DTNB: variants seen among roughly 807,000 people sequenced by gnomAD.
DTNB encodes dystrobrevin beta.
Under a neutral mutation model 90.7 loss-of-function variants are expected in DTNB, and 63 were observed. The observed-to-expected ratio is 0.69, with a 90% confidence interval of 0.57 to 0.86. The LOEUF (loss-of-function observed/expected upper bound fraction) is 0.86, where lower values mean the gene tolerates loss of function less well. Among genes scored for constraint, DTNB ranks in the 40% least tolerant of loss-of-function variants. The pLI, the probability that DTNB is intolerant of heterozygous loss-of-function variation, is 0.00. For missense variants in DTNB, 744 were observed against 807.1 expected (o/e 0.92, Z 0.95); for synonymous variants, 277 against 286.7 (o/e 0.97, Z 0.34).
At chr2:25,523,956 C>G (rs2076626694) in intron 9 of DTNB, among the ~76,000 whole-genome samples, 1 of 146,450 alleles carries the variant, frequency 6.8e-6, no homozygotes. Flanking sequence ...AGCTGGAGTG[C>G]AATGGCGTGA....
intron 1 of DTNB, among the ~76,000 whole-genome samples, chr2:25,667,033 C>T (rs2084613706): frequency 1.3e-5 from 2 of 151,974 alleles, no homozygotes; most frequent in South Asian, 4.1e-4. Context: ...GGGCAGGACC[C>T]TTGACCCACA....
chr2:25,628,034 C>A (rs1573652591), intron 4 of DTNB, 137 bp downstream of exon 4: 3 of 937,952 alleles, frequency 3.2e-6, no homozygotes, highest in East Asian at 2.7e-5. Flanking sequence ...CCGTGCCCAG[C>A]CAATAATTTC....
At chr2:25,662,651 T>TACACACACAC (rs371062484) in intron 1 of DTNB, among the ~76,000 whole-genome samples, 19 of 129,330 alleles carry the variant, frequency 1.5e-4, no homozygotes, top group South Asian at 2.8e-4. Flanking sequence ...AATATACAAA[T>TACACACACAC]ACACACACAC....
chr2:25,599,846 G>A (rs1470825896), intron 5 of DTNB, among the ~76,000 whole-genome samples: 4 of 152,156 alleles, frequency 2.6e-5, no homozygotes, highest in Non-Finnish European at 5.9e-5. Flanking sequence ...TGTAATCCCA[G>A]AACTTTGGGA....
rs146697158 is a variant in DTNB at position 25,422,395 on chromosome 2, C to CTTTTTTTTTTT, written c.1555-2871_1555-2861dup. Among the ~76,000 whole-genome samples, 66 of 82,944 alleles carry CTTTTTTTTTTT rather than the reference C, an allele frequency of 8.0e-4. 1 individual carries two copies. Among genetic ancestry groups the CTTTTTTTTTTT allele is most frequent in the East Asian group, 1.4e-3 (4 of 2,836 alleles). The allele number at this position is 82,944 out of a possible 152,430, so 54.4% of individuals were successfully genotyped here. A position where few individuals can be genotyped will look rare whatever the true frequency, so the allele number is the denominator to read the frequency against. ...ATGTAAATGAGTTTCCTTTTCTCTT[C>CTTTTTTTTTTT]TTTTTTTTTTTTTTTTTTTTTTTTT... On this transcript the variant is annotated intron_variant, in intron 15 of 20. Transcript: ENST00000406818.
chr2:25,600,924 A>G (rs2065743773), intron 5 of DTNB, among the ~76,000 whole-genome samples: 1 of 152,256 alleles, frequency 6.6e-6, no homozygotes, highest in Non-Finnish European at 1.5e-5. Context: ...CTATATTACA[A>G]TAAGAGAAGT....
At chr2:25,590,915 C>T (rs926137591) in intron 6 of DTNB, among the ~76,000 whole-genome samples, 14 of 152,238 alleles carry the variant, frequency 9.2e-5, no homozygotes, top group Admixed American at 2.6e-4. Flanking sequence ...CCCAGGTGTT[C>T]GTGCCAAGGG....
intron 12 of DTNB, among the ~76,000 whole-genome samples, chr2:25,441,774 A>C (rs1017234674): frequency 1.3e-5 from 2 of 149,990 alleles, no homozygotes; most frequent in Admixed American, 1.3e-4. Context: ...GGTTGTTTTC[A>C]ATCAGGGAAA....
intron 4 of DTNB, among the ~76,000 whole-genome samples, chr2:25,627,272 C>T (rs1222762150): frequency 2.6e-5 from 4 of 151,964 alleles, no homozygotes; most frequent in East Asian, 1.9e-4. Context: ...ATTAGCTGGG[C>T]GTGGTGGCGC....
At chr2:25,383,001 G>A (rs545387699) in intron 19 of DTNB, among the ~76,000 whole-genome samples, 23 of 152,212 alleles carry the variant, frequency 1.5e-4, no homozygotes, top group Non-Finnish European at 2.6e-4. Context: ...AAGCAGGTTC[G>A]ATATATAATG....
intron 8 of DTNB, among the ~76,000 whole-genome samples, chr2:25,557,538 C>T (rs1437371446): frequency 1.3e-5 from 2 of 152,174 alleles, no homozygotes; most frequent in African/African-American, 4.8e-5. Flanking sequence ...TGCTCTAAAA[C>T]AGTGTTTTCC....
chr2:25,433,796 A>C, intron 13 of DTNB, 114 bp downstream of exon 13: 1 of 1,197,748 alleles, frequency 8.3e-7, no homozygotes, highest in Non-Finnish European at 1.2e-6. Context: ...AGGTTCACTG[A>C]GGCAAGGTCT....
At chr2:25,414,015 T>C (rs912092022) in intron 16 of DTNB, among the ~76,000 whole-genome samples, 2 of 152,232 alleles carry the variant, frequency 1.3e-5, no homozygotes, top group Non-Finnish European at 2.9e-5. Context: ...TTGATTTGCA[T>C]TTCTCTGATG....
chr2:25,386,884 G>C (rs2149530203), intron 18 of DTNB, among the ~76,000 whole-genome samples: 1 of 152,340 alleles, frequency 6.6e-6, no homozygotes, highest in South Asian at 2.1e-4. Context: ...GGAAGGTCCA[G>C]AGCTTTCCTG....
intron 9 of DTNB, among the ~76,000 whole-genome samples, chr2:25,525,886 A>G (rs530526366): frequency 6.6e-6 from 1 of 152,248 alleles, no homozygotes; most frequent in South Asian, 2.1e-4. Flanking sequence ...TTGCATTAAG[A>G]TAAGAGGACT....
intron 4 of DTNB, among the ~76,000 whole-genome samples, chr2:25,608,136 C>T (rs2067548454): frequency 6.6e-6 from 1 of 152,132 alleles, no homozygotes; most frequent in South Asian, 2.1e-4. Flanking sequence ...CAAGAATGTG[C>T]TTTTTGTGTT....
Position 25,494,976 on chromosome 2 carries a change from C to T in DTNB, c.1002-12103G>A, listed in dbSNP as rs1333337980. Among the ~76,000 whole-genome samples the T allele has an allele frequency of 2.0e-5, 3 of 152,136 alleles. No homozygotes were observed. In the East Asian group the frequency reaches 5.8e-4, roughly 29 times the overall value. ...AAATGTTCACTTACTTAAAGATTAA[C>T]TTTCTTCCAAAGAAAAGTGTCAAAT... On this transcript the variant is annotated intron_variant, in intron 9 of 20. Transcript: ENST00000406818.
chr2:25,531,078 G>A (rs1193046513), intron 9 of DTNB, among the ~76,000 whole-genome samples: 2 of 152,174 alleles, frequency 1.3e-5, no homozygotes, highest in South Asian at 2.1e-4. Flanking sequence ...AGCAAATTAA[G>A]TTGATTTTCA....
At chr2:25,612,700 A>G (rs894254591) in intron 4 of DTNB, among the ~76,000 whole-genome samples, 7 of 152,170 alleles carry the variant, frequency 4.6e-5, no homozygotes, top group African/African-American at 1.7e-4. Flanking sequence ...AAGAAAAAAA[A>G]GAAGACACAA....
Sources: allele counts gnomAD v4.1 joint callset (sites outside exome capture counted in the v4.1 genomes callset), GRCh38; gene constraint gnomAD v4.1.1; transcripts MANE v1.5; gene names NCBI Gene and HGNC (gene_info 2026-07-23, HGNC 2026-07-21).